Variants in CDC16 observed in about 807,000 individuals in gnomAD.
CDC16 encodes cell division cycle protein 16 homolog.
CDC16 carries 34 observed loss-of-function variants against 87.0 expected under a neutral mutation model. The ratio of observed to expected loss-of-function variants is 0.39; its 90% CI spans 0.30 to 0.52. CDC16 has a LOEUF of 0.52. CDC16 is among the 20% of genes least tolerant of loss of function. CDC16 has a pLI of 0.74. For synonymous variants in CDC16, 263 were observed against 260.6 expected, an observed-to-expected ratio of 1.01 and a Z score of -0.09; for missense variants, 653 against 751.9, an observed-to-expected ratio of 0.87 and a Z score of 1.54.
chr13:114,244,205 G>A (rs982708100), intron 8 of CDC16, among the ~76,000 whole-genome samples: 1 of 152,184 alleles, frequency 6.6e-6, no homozygotes, highest in Non-Finnish European at 1.5e-5. Context: ...ACTTGGGAGG[G>A]ATATACATGT....
chr13:114,236,648 C>G lies in CDC16; in HGVS notation c.52C>G (p.Gln18Glu). 1.2e-6 allele frequency: 2 copies of G among 1,600,724 alleles called. No individual in the cohort carries two copies. The highest frequency in any genetic ancestry group is 1.7e-6 in the Non-Finnish European group (2 of 1,175,410). Residue 18 changes from glutamine (Q) to glutamate (E), a missense_variant, in exon 2 of 18, where the codon CAG becomes GAG. Physicochemically the swap from Gln to Glu is conservative, Grantham distance 29 (BLOSUM62 2). Transcript: ENST00000356221. Reference sequence around the variant, plus strand: ...TTTTTTTTTTTTTGGTATGCAGCAACAGTATCAAAGTGCTCTATTTTGGGC... The same window carrying G: ...TTTTTTTTTTTTTGGTATGCAGCAAGAGTATCAAAGTGCTCTATTTTGGGC... ...KRVRQYLDQQ[Q>E]YQSALFWADK...
chr13:114,246,156 T>C (rs1594584139), intron 10 of CDC16, 107 bp downstream of exon 10: 1 of 557,512 alleles, frequency 1.8e-6, no homozygotes, highest in African/African-American at 2.0e-5. Flanking sequence ...AATGATGTTT[T>C]ATTAAAGTGT....
chr13:114,236,640 TGCAGC>T lies in CDC16; in HGVS notation c.49-4_49del, dbSNP rs1188063331. ...TTACCACCTTTTTTTTTTTTTGGTA[TGCAGC>T]AACAGTATCAAAGTGCTCTATTTTG... On this transcript the variant is annotated splice_acceptor_variant and splice_polypyrimidine_tract_variant and coding_sequence_variant and intron_variant, in exon 2 of 18. Coordinates refer to ENST00000356221, the MANE Select transcript of CDC16 (RefSeq NM_001078645.3). LOFTEE classifies it high-confidence loss of function. 6.2e-7 allele frequency: 1 copy of T among 1,608,532 alleles called. No individual in the cohort carries two copies. The highest frequency in any genetic ancestry group is 8.5e-7 in the Non-Finnish European group (1 of 1,178,706).
chr13:114,264,208 A>G (rs1052227925), intron 16 of CDC16: 5 of 152,288 alleles, frequency 3.3e-5, no homozygotes, highest in African/African-American at 1.2e-4. Context: ...TTAAATATGT[A>G]TATTTGAGTA....
chr13:114,236,912 A>T lies in CDC16; in HGVS notation c.201+16A>T, dbSNP rs368927597. Reference sequence around the variant, plus strand: ...ACTGGACAAAGTAAGTGATGGTATGAACTTTAAAGCTCTTCAGAGCTTTAA... The same window carrying T: ...ACTGGACAAAGTAAGTGATGGTATGTACTTTAAAGCTCTTCAGAGCTTTAA... On this transcript the variant is annotated intron_variant, in intron 3 of 17. Transcript: ENST00000356221. 4 of 1,515,482 alleles carry T rather than the reference A, an allele frequency of 2.6e-6. No individual in the cohort carries two copies. The highest frequency in any genetic ancestry group is 3.6e-6 in the Non-Finnish European group (4 of 1,110,842). 93.9% of individuals were successfully genotyped at this position (1,515,482 alleles called of 1,614,324 possible). A position where few individuals can be genotyped will look rare whatever the true frequency, so the allele number is the denominator to read the frequency against.
Position 114,244,928 on chromosome 13 carries a change from C to T in CDC16, c.806C>T (p.Pro269Leu), listed in dbSNP as rs1413496443. The T allele has an allele frequency of 6.2e-7, 1 of 1,610,298 alleles. No homozygotes were observed. The highest frequency in any genetic ancestry group is 1.3e-5 in the African/African-American group (1 of 74,698). ...EKDPFHASCL[P>L]VHIGTLVELN... Reference sequence around the variant, plus strand: ...GATCCTTTCCATGCAAGTTGTTTACCTGTACATATAGGGACGCTTGTAGAG... The same window carrying T: ...GATCCTTTCCATGCAAGTTGTTTACTTGTACATATAGGGACGCTTGTAGAG... Residue 269 changes from proline to leucine, a missense_variant, in exon 9 of 18, where the codon CCT becomes CTT. Coordinates refer to ENST00000356221, the MANE Select transcript of CDC16 (RefSeq NM_001078645.3).
intron 17 of CDC16, among the ~76,000 whole-genome samples, chr13:114,267,494 A>C (rs2083304278): frequency 6.6e-6 from 1 of 152,096 alleles, no homozygotes; most frequent in African/African-American, 2.4e-5. Flanking sequence ...GCCAATCTCA[A>C]AACAAAAAAA....
chr13:114,254,834 T>G (rs995233), intron 12 of CDC16, among the ~76,000 whole-genome samples: 44,715 of 151,812 alleles, frequency 0.29, 8,468 homozygotes, highest in African/African-American at 0.54. Context: ...GGTCCAACAC[T>G]CCTCTTTACG....
chr13:114,237,712 T>C (rs918392630), intron 3 of CDC16, among the ~76,000 whole-genome samples: 3 of 152,222 alleles, frequency 2.0e-5, no homozygotes, highest in Admixed American at 6.5e-5. Context: ...AGCTCTGGAA[T>C]CATGGATATT....
At chr13:114,271,279 A>G (rs973671562) in intron 17 of CDC16, among the ~76,000 whole-genome samples, 1 of 152,188 alleles carries the variant, frequency 6.6e-6, no homozygotes, top group Non-Finnish European at 1.5e-5. Flanking sequence ...TTATCTGCCA[A>G]ACTACCTATT....
intron 1 of CDC16, 59 bp downstream of exon 1, chr13:114,235,191 G>C (rs1207430239): frequency 1.7e-6 from 2 of 1,152,052 alleles, no homozygotes; most frequent in African/African-American, 3.2e-5. Flanking sequence ...TTTCCGCGCG[G>C]CGTGGGGCTG....
At chr13:114,245,845 A>G in intron 9 of CDC16, 155 bp from the exon 10 acceptor site, 2 of 586,614 alleles carry the variant, frequency 3.4e-6, no homozygotes, top group Admixed American at 3.5e-5. Flanking sequence ...CTAACTCTCC[A>G]GTTAGAGAGT....
chr13:114,271,195 A>C (rs1329873467), intron 17 of CDC16, among the ~76,000 whole-genome samples: 1 of 152,124 alleles, frequency 6.6e-6, no homozygotes, highest in African/African-American at 2.4e-5. Context: ...TGCTGGGATT[A>C]CAGGCGTGAG....
chr13:114,252,121 T>C (rs2082221074), intron 12 of CDC16, among the ~76,000 whole-genome samples: 1 of 150,762 alleles, frequency 6.6e-6, no homozygotes, highest in Non-Finnish European at 1.5e-5. Context: ...CCCTGTTGGA[T>C]AAGAGCCCTA....
At chr13:114,243,164 G>T in intron 6 of CDC16, 93 bp from the exon 7 acceptor site, 1 of 697,504 alleles carries the variant, frequency 1.4e-6, no homozygotes, top group Non-Finnish European at 2.6e-6. Flanking sequence ...GATTTACTTA[G>T]ACCAAGAACT....
intron 11 of CDC16, 52 bp downstream of exon 11, chr13:114,247,056 C>G: frequency 2.6e-6 from 3 of 1,152,622 alleles, no homozygotes; most frequent in Non-Finnish European, 3.9e-6. Context: ...TGATGTCTTG[C>G]TCATAAGCTT....
chr13:114,235,215 C>A (rs958145918), intron 1 of CDC16, 83 bp downstream of exon 1: 5 of 986,684 alleles, frequency 5.1e-6, no homozygotes, highest in Non-Finnish European at 3.9e-6. Flanking sequence ...TGACTGTTGT[C>A]GGGGCTCTTG....
chr13:114,245,834 T>C, intron 9 of CDC16, 166 bp from the exon 10 acceptor site: 1 of 571,764 alleles, frequency 1.7e-6, no homozygotes, highest in South Asian at 2.0e-5. Context: ...GTGTCCTTCA[T>C]CTAACTCTCC....
At chr13:114,240,195 CTCTT>C (rs2081474516) in intron 5 of CDC16, among the ~76,000 whole-genome samples, 1 of 151,810 alleles carries the variant, frequency 6.6e-6, no homozygotes, top group African/African-American at 2.4e-5. Flanking sequence ...CTACCAATTT[CTCTT>C]TCTTCCCACA....
Sources: allele counts gnomAD v4.1 joint callset (sites outside exome capture counted in the v4.1 genomes callset), GRCh38; gene constraint gnomAD v4.1.1; transcripts MANE v1.5; gene names NCBI Gene and HGNC (gene_info 2026-07-23, HGNC 2026-07-21).